Variants in CSAD observed in about 807,000 individuals in gnomAD.
The protein encoded by CSAD is cysteine sulfinic acid decarboxylase.
In CSAD, 47 loss-of-function variants were observed where a neutral mutation model predicts 61.5. The ratio of observed to expected loss-of-function variants is 0.76; its 90% CI spans 0.60 to 0.97. The LOEUF is 0.97. CSAD is among the 50% of genes least tolerant of loss of function. The pLI is 0.00. For missense variants in CSAD, 611 were observed against 643.6 expected, an observed-to-expected ratio of 0.95 and a Z score of 0.55; for synonymous variants, 245 against 252.7, an observed-to-expected ratio of 0.97 and a Z score of 0.29.
chr12:53,173,618 G>T, intron 3 of CSAD, 110 bp downstream of exon 3: 3 of 1,503,454 alleles, frequency 2.0e-6, no homozygotes, highest in South Asian at 1.2e-5. Context: ...AAGGGCAAGT[G>T]AGAGTGCCCA....
At chr12:53,160,630 T>C in intron 13 of CSAD, 133 bp downstream of exon 13, 1 of 804,862 alleles carries the variant, frequency 1.2e-6, no homozygotes, top group Non-Finnish European at 2.0e-6. Flanking sequence ...CAGGTTAGGG[T>C]GGTAGCTGAG....
chr12:53,172,200 A>G (rs1356775422), intron 6 of CSAD, 146 bp downstream of exon 6: 3 of 842,690 alleles, frequency 3.6e-6, no homozygotes, highest in Admixed American at 2.2e-5. Flanking sequence ...GTGGGTCCAA[A>G]GGATATGAGG....
intron 10 of CSAD, among the ~76,000 whole-genome samples, chr12:53,168,681 C>A (rs1007830010): frequency 6.6e-6 from 1 of 152,040 alleles, no homozygotes; most frequent in Non-Finnish European, 1.5e-5. Flanking sequence ...ATAATAATAA[C>A]AACAATACCA....
intron 12 of CSAD, 139 bp from the exon 13 acceptor site, chr12:53,160,983 G>T: frequency 8.8e-7 from 1 of 1,134,382 alleles, no homozygotes; most frequent in South Asian, 1.4e-5. Flanking sequence ...TGCCATGTCT[G>T]ACCTCCCAGC....
chr12:53,173,558 G>T, intron 3 of CSAD, 82 bp from the exon 4 acceptor site: 2 of 1,608,930 alleles, frequency 1.2e-6, no homozygotes, highest in Non-Finnish European at 1.7e-6. Flanking sequence ...CTCCCAAACG[G>T]GCCTGAGGCC....
intron 2 of CSAD, among the ~76,000 whole-genome samples, chr12:53,174,442 A>G (rs1383843557): frequency 6.6e-6 from 1 of 152,144 alleles, no homozygotes; most frequent in East Asian, 1.9e-4. Flanking sequence ...ATATTTTTAT[A>G]ACTTTATACA....
rs1161815778 is a variant in CSAD, at chr12:53,158,763, T to G, written c.1309-79A>C. 2.8e-6 allele frequency: 4 copies of G among 1,406,662 alleles called. No homozygotes were observed. In the African/African-American group the frequency reaches 5.7e-5, roughly 20 times the overall value. The allele number at this position is 1,406,662 out of a possible 1,614,324, so 87.1% of individuals were successfully genotyped here. Reference sequence around the variant, plus strand: ...GGCTGGCTTCTTGTCCTGCCAGGCTTCCAGAGGTGCTTTTCCTTCCCACCC... The same window carrying G: ...GGCTGGCTTCTTGTCCTGCCAGGCTGCCAGAGGTGCTTTTCCTTCCCACCC... On this transcript the variant is annotated intron_variant, in intron 16 of 16. Transcript: ENST00000444623.
In CSAD at chr12:53,180,525, C is replaced by A. The variant is rs997818010; in HGVS notation, c.-91+207G>T. The A allele has an allele frequency of 1.2e-5, 15 of 1,274,578 alleles. No individual in the cohort carries two copies. The African/African-American group carries it at 1.6e-4, about 13-fold the overall frequency. The allele number at this position is 1,274,578 out of a possible 1,614,324, so 79.0% of individuals were successfully genotyped here. On this transcript the variant is annotated intron_variant, in intron 1 of 16. Transcript: ENST00000444623. ...CACGGCGCACGCGCCGGCCTCAGCGCTCCCTCCTCCATGCCCTCGGCGCAC... is the reference window on the plus strand; with the variant it reads ...CACGGCGCACGCGCCGGCCTCAGCGATCCCTCCTCCATGCCCTCGGCGCAC...
chr12:53,171,584 T>C, intron 7 of CSAD, 143 bp from the exon 8 acceptor site: 1 of 762,568 alleles, frequency 1.3e-6, no homozygotes, highest in South Asian at 1.7e-5. Flanking sequence ...GATCATACCA[T>C]CCCAGAATGG....
intron 1 of CSAD, chr12:53,179,684 T>G: frequency 8.8e-7 from 1 of 1,140,906 alleles, no homozygotes; most frequent in Non-Finnish European, 1.3e-6. Context: ...AAAAAAAAAG[T>G]TGAGAATCCT....
intron 4 of CSAD, among the ~76,000 whole-genome samples, 194 bp from the exon 5 acceptor site, chr12:53,172,842 G>C (rs562435157): frequency 1.8e-4 from 28 of 152,328 alleles, no homozygotes; most frequent in Admixed American, 4.6e-4. Flanking sequence ...AGGTACCCAG[G>C]GGGGCAGGGA....
chr12:53,163,561 T>C (rs1939557758), intron 10 of CSAD, among the ~76,000 whole-genome samples: 1 of 152,044 alleles, frequency 6.6e-6, no homozygotes, highest in South Asian at 2.1e-4. Context: ...AAGAAAACAA[T>C]TTCATTTACA....
intron 10 of CSAD, among the ~76,000 whole-genome samples, chr12:53,165,593 G>C (rs1437414222): frequency 6.7e-6 from 1 of 149,920 alleles, no homozygotes; most frequent in Non-Finnish European, 1.5e-5. Flanking sequence ...AACCTGGGAG[G>C]CGGAGCTTGC....
Position 53,161,313 on chromosome 12 carries a change from G to C in CSAD, c.779C>G (p.Ala260Gly). Residue 260 changes from alanine to glycine, a missense_variant, in exon 11 of 17, where the codon GCT becomes GGT. Ala to Gly is a moderately conservative substitution (Grantham distance 60). Coordinates refer to ENST00000444623, the MANE Select transcript of CSAD (RefSeq NM_001244705.2). ...LGAFDPLEAI[A>G]DVCQRHGLWL... ...TAGCCCATGACGCTGGCACACATCAGCAATTGCCTCCAGGGGGTCAAAGGC... is the reference window on the plus strand; with the variant it reads ...TAGCCCATGACGCTGGCACACATCACCAATTGCCTCCAGGGGGTCAAAGGC... The C allele has an allele frequency of 6.2e-7, 1 of 1,614,126 alleles. No homozygotes were observed. Among genetic ancestry groups the C allele is most frequent in the Non-Finnish European group, 8.5e-7 (1 of 1,180,014 alleles).
At chr12:53,159,510 G>T in intron 16 of CSAD, 113 bp downstream of exon 16, 1 of 836,246 alleles carries the variant, frequency 1.2e-6, no homozygotes, top group South Asian at 1.6e-5. Context: ...CCACGCCTCA[G>T]AGCAAGAGAC....
At chr12:53,173,258 G>T (rs879015754) in intron 4 of CSAD, 87 bp downstream of exon 4, 4 of 1,187,402 alleles carry the variant, frequency 3.4e-6, no homozygotes, top group Middle Eastern at 2.0e-4. Context: ...GAAGGAAGGG[G>T]GGGGGAGAAA....
At chr12:53,170,333 C>A in intron 9 of CSAD, 90 bp downstream of exon 9, 2 of 1,205,008 alleles carry the variant, frequency 1.7e-6, no homozygotes, top group Non-Finnish European at 2.5e-6. Context: ...GGTCCACCAG[C>A]GGTAAGGGTC....
At chr12:53,171,656 C>T in intron 7 of CSAD, 1 of 623,372 alleles carries the variant, frequency 1.6e-6, no homozygotes, top group Non-Finnish European at 2.8e-6. Flanking sequence ...CCCCAAGAGA[C>T]AGCCCCCGTC....
At chr12:53,161,576 T>C (rs1939285387) in intron 10 of CSAD, among the ~76,000 whole-genome samples, 187 bp from the exon 11 acceptor site, 1 of 151,850 alleles carries the variant, frequency 6.6e-6, no homozygotes, top group African/African-American at 2.4e-5. Context: ...AAGCAGAAGC[T>C]GCAGAGATGG....
Sources: allele counts gnomAD v4.1 joint callset (sites outside exome capture counted in the v4.1 genomes callset), GRCh38; gene constraint gnomAD v4.1.1; transcripts MANE v1.5; gene names NCBI Gene and HGNC (gene_info 2026-07-23, HGNC 2026-07-21).